The following NR5A2 variants were observed in gnomAD, a reference collection of about 807,000 sequenced individuals.
NR5A2 encodes CYP7A promoter-binding factor.
A neutral mutation model predicts 62.7 loss-of-function variants in NR5A2; 26 were observed. The observed-to-expected ratio is 0.41, with a 90% CI of 0.30 to 0.58. NR5A2 has a LOEUF of 0.58. NR5A2 is among the 20% of genes least tolerant of loss of function. NR5A2 has a pLI of 0.22. For missense variants in NR5A2, 541 were observed against 669.1 expected, an observed-to-expected ratio of 0.81 and a Z score of 2.11; for synonymous variants, 246 against 241.7, an observed-to-expected ratio of 1.02 and a Z score of -0.16.
intron 7 of NR5A2, among the ~76,000 whole-genome samples, chr1:200,164,867 GTTTTT>G (rs56818276): frequency 1.6e-5 from 1 of 63,896 alleles, no homozygotes; most frequent in Non-Finnish European, 2.7e-5. Flanking sequence ...TTTTAGAGCA[GTTTTT>G]TTTTTTTTTT....
chr1:200,107,669 T>C (rs1225014028), intron 5 of NR5A2, among the ~76,000 whole-genome samples: 1 of 152,186 alleles, frequency 6.6e-6, no homozygotes, highest in African/African-American at 2.4e-5. Flanking sequence ...AGACAGAGTC[T>C]TGTTCTGTCA....
intron 5 of NR5A2, among the ~76,000 whole-genome samples, chr1:200,087,337 C>T (rs1664599630): frequency 6.6e-6 from 1 of 152,098 alleles, no homozygotes; most frequent in Non-Finnish European, 1.5e-5. Flanking sequence ...CATCTTTCCT[C>T]ATGGAGTTTG....
intron 5 of NR5A2, among the ~76,000 whole-genome samples, chr1:200,058,812 A>G (rs567354696): frequency 1.4e-5 from 2 of 139,604 alleles, no homozygotes; most frequent in African/African-American, 5.6e-5. Flanking sequence ...TTTTTTTTTC[A>G]TATTAGAGGA....
At chr1:200,136,509 A>G (rs569689980) in intron 7 of NR5A2, among the ~76,000 whole-genome samples, 4 of 152,216 alleles carry the variant, frequency 2.6e-5, no homozygotes, top group African/African-American at 9.6e-5. Context: ...CGATGAAAGT[A>G]TCATTTGCCA....
At chr1:200,121,084 C>A in intron 7 of NR5A2, 129 bp downstream of exon 7, 2 of 957,848 alleles carry the variant, frequency 2.1e-6, no homozygotes, top group Non-Finnish European at 3.2e-6. Flanking sequence ...ATTATGAAAT[C>A]TTCAAACGTG....
intron 4 of NR5A2, 121 bp downstream of exon 4, chr1:200,045,705 C>G (rs1288020118): frequency 4.3e-6 from 3 of 692,050 alleles, no homozygotes; most frequent in Non-Finnish European, 6.7e-6. Flanking sequence ...ACCGACAATA[C>G]TGTAAGATCT....
rs374404443 is a variant in NR5A2, at chr1:200,106,877, A to G, written c.1111-4325A>G. On this transcript the variant is annotated intron_variant, in intron 5 of 7. Transcript: ENST00000367362. Reference sequence around the variant, plus strand: ...TTATTCATAGAGCTGCGTAAAAACTATGTTATCCAAAGCACCATGAAGCTG... The same window carrying G: ...TTATTCATAGAGCTGCGTAAAAACTGTGTTATCCAAAGCACCATGAAGCTG... 3.9e-5 allele frequency among the ~76,000 whole-genome samples: 6 copies of G among 152,138 alleles called. No individual in the cohort carries two copies. The East Asian group carries it at 9.6e-4, about 24-fold the overall frequency.
intron 7 of NR5A2, among the ~76,000 whole-genome samples, chr1:200,134,247 G>A (rs1667117301): frequency 6.6e-6 from 1 of 152,124 alleles, no homozygotes. Context: ...TGTTTATAAA[G>A]TCTGCAGTAG....
At chr1:200,120,756 A>G in intron 6 of NR5A2, 52 bp from the exon 7 acceptor site, 1 of 1,487,386 alleles carries the variant, frequency 6.7e-7, no homozygotes, top group South Asian at 1.4e-5. Context: ...ACTCAGGTGA[A>G]ATACATATTG....
chr1:200,040,785 C>G (rs554279588), intron 2 of NR5A2, among the ~76,000 whole-genome samples: 2 of 152,222 alleles, frequency 1.3e-5, no homozygotes, highest in Non-Finnish European at 2.9e-5. Context: ...GTGCACTCTG[C>G]GGTGCTGAGT....
intron 5 of NR5A2, among the ~76,000 whole-genome samples, chr1:200,068,406 A>C (rs1262721249): frequency 1.3e-5 from 2 of 152,188 alleles, no homozygotes; most frequent in African/African-American, 4.8e-5. Flanking sequence ...AACAGGACTT[A>C]GTTTCCCACT....
chr1:200,111,406 A>C, intron 6 of NR5A2, 85 bp downstream of exon 6: 1 of 1,448,886 alleles, frequency 6.9e-7, no homozygotes, highest in South Asian at 1.3e-5. Context: ...GGTCAGAAGC[A>C]CTCTTGTGCT....
At chr1:200,068,018 TC>T (rs1663576167) in intron 5 of NR5A2, among the ~76,000 whole-genome samples, 2 of 152,250 alleles carry the variant, frequency 1.3e-5, no homozygotes, top group South Asian at 4.1e-4. Context: ...ATGAATTTCA[TC>T]CGATGTTTGC....
intron 5 of NR5A2, among the ~76,000 whole-genome samples, chr1:200,086,492 G>A (rs945957182): frequency 1.3e-5 from 2 of 151,956 alleles, no homozygotes; most frequent in Non-Finnish European, 2.9e-5. Flanking sequence ...TATTAGAGAC[G>A]GGGTTTCTCC....
At chr1:200,124,146 G>A (rs999502755) in intron 7 of NR5A2, among the ~76,000 whole-genome samples, 7 of 152,100 alleles carry the variant, frequency 4.6e-5, no homozygotes, top group Non-Finnish European at 5.9e-5. Flanking sequence ...CTGAGATGAA[G>A]GATACAAACC....
At chr1:200,087,418 G>A (rs896756728) in intron 5 of NR5A2, among the ~76,000 whole-genome samples, 2 of 150,952 alleles carry the variant, frequency 1.3e-5, no homozygotes, top group Non-Finnish European at 2.9e-5. Context: ...TTTTTGAGAC[G>A]GAGTCTCACT....
chr1:200,117,528 C>T (rs962447114), intron 6 of NR5A2, among the ~76,000 whole-genome samples: 31 of 152,220 alleles, frequency 2.0e-4, no homozygotes, highest in African/African-American at 7.2e-4. Flanking sequence ...GATTCCTTTC[C>T]GTTATAGTGT....
intron 1 of NR5A2, chr1:200,029,543 C>A (rs189478807): frequency 6.6e-5 from 10 of 152,542 alleles, no homozygotes; most frequent in African/African-American, 2.2e-4. Flanking sequence ...TCGGTCCCAC[C>A]GCAGAGGGCT....
intron 5 of NR5A2, among the ~76,000 whole-genome samples, chr1:200,097,236 C>T (rs4255411): frequency 1.3e-5 from 2 of 151,850 alleles, no homozygotes; most frequent in Admixed American, 1.3e-4. Context: ...TAAAATAAAC[C>T]TTTGTCAGAA....
Sources: gnomAD v4.1 joint callset for allele counts (sites outside exome capture counted in the v4.1 genomes callset) on GRCh38, gnomAD v4.1.1 for gene constraint, MANE v1.5 for transcripts, NCBI Gene and HGNC (gene_info 2026-07-23, HGNC 2026-07-21) for gene names.